The following PCOLCE2 variants were observed in gnomAD, a reference collection of about 807,000 sequenced individuals.
PCOLCE2 encodes procollagen C-proteinase enhancer 2.
PCOLCE2 carries 42 observed loss-of-function variants against 47.0 expected under a neutral mutation model. That is an observed-to-expected ratio of 0.89 (90% CI 0.70 to 1.16). PCOLCE2 has a LOEUF of 1.16. Ranked by LOEUF, PCOLCE2 falls within the 50% of genes most tolerant of loss-of-function variation. PCOLCE2 has a pLI of 0.00. For synonymous variants in PCOLCE2, 169 were observed against 191.7 expected (o/e 0.88, Z 0.98); for missense variants, 500 against 526.1 (o/e 0.95, Z 0.49).
At chr3:142,851,139 G>T (rs970019218) in intron 2 of PCOLCE2, among the ~76,000 whole-genome samples, 2 of 152,118 alleles carry the variant, frequency 1.3e-5, no homozygotes, top group African/African-American at 4.8e-5. Flanking sequence ...AGAAAACAAG[G>T]TCATCAGCAG....
At chr3:142,888,413 G>C (rs1054277106) in intron 1 of PCOLCE2, among the ~76,000 whole-genome samples, 6 of 152,226 alleles carry the variant, frequency 3.9e-5, no homozygotes, top group Admixed American at 3.3e-4. Flanking sequence ...TTGTTCCCTA[G>C]TTTACGTCTC....
intron 7 of PCOLCE2, among the ~76,000 whole-genome samples, chr3:142,821,351 C>T (rs59667056): frequency 0.031 from 4,681 of 152,232 alleles, 202 homozygotes; most frequent in East Asian, 0.094. Context: ...TTGATTGTCA[C>T]ATAGGGGATA....
rs773008597 is a variant in PCOLCE2 at position 142,887,766 on chromosome 3, G to T, written c.95C>A (p.Thr32Lys). The T allele has an allele frequency of 6.3e-7, 1 of 1,579,780 alleles. No homozygotes were observed. Among genetic ancestry groups the T allele is most frequent in the Non-Finnish European group, 8.7e-7 (1 of 1,148,942 alleles). Reference sequence around the variant, plus strand: ...CTCTCCAGTAAGAATGCCACCACATGTGAAAACAGGTCTGGGAACATAAAA... The same window carrying T: ...CTCTCCAGTAAGAATGCCACCACATTTGAAAACAGGTCTGGGAACATAAAA... ...RQQSPERPVF[T>K]CGGILTGESG... The change falls in exon 2 of 9, where the codon ACA (threonine) becomes AAA (lysine). Residue 32 changes from threonine (T) to lysine (K), a missense_variant. Thr to Lys is a moderately conservative substitution (Grantham distance 78). Coordinates refer to ENST00000295992, the MANE Select transcript of PCOLCE2 (RefSeq NM_013363.4).
In PCOLCE2 at chr3:142,838,851, T is replaced by C. The variant is rs754419337; in HGVS notation, c.629A>G (p.Tyr210Cys). 3.1e-6 allele frequency: 5 copies of C among 1,612,270 alleles called. No homozygotes were observed. The South Asian group carries it at 3.3e-5, about 11-fold the overall frequency. ...FDVERDNYCRYDYVAVFNGGE... is the reference protein window; with the variant it reads ...FDVERDNYCRCDYVAVFNGGE... ...GCCATTAAACACAGCCACATAATCATATCGGCAGTAGTTATCTCGCTCCAC... is the reference window on the plus strand; with the variant it reads ...GCCATTAAACACAGCCACATAATCACATCGGCAGTAGTTATCTCGCTCCAC... The change falls in exon 5 of 9, where the codon TAT (tyrosine) becomes TGT (cysteine). Residue 210 changes from tyrosine (Y) to cysteine (C), a missense_variant. Tyr to Cys is a radical substitution (Grantham distance 194). Transcript: ENST00000295992.
chr3:142,827,468 G>A (rs1937095889), intron 6 of PCOLCE2: 2 of 1,532,526 alleles, frequency 1.3e-6, no homozygotes, highest in African/African-American at 2.7e-5. Context: ...GATAGCAGTG[G>A]CATAGTTCCC....
intron 2 of PCOLCE2, among the ~76,000 whole-genome samples, chr3:142,862,171 T>C (rs1578044817): frequency 1.3e-5 from 2 of 152,028 alleles, no homozygotes; most frequent in East Asian, 3.9e-4. Flanking sequence ...CTGCTGGAGG[T>C]GGAGGAGGGA....
chr3:142,847,003 T>A (rs1360637750), intron 3 of PCOLCE2, among the ~76,000 whole-genome samples: 1 of 152,228 alleles, frequency 6.6e-6, no homozygotes, highest in Non-Finnish European at 1.5e-5. Context: ...GGACACACTT[T>A]TCCTGTTTCA....
chr3:142,822,008 C>G (rs1578027086), intron 7 of PCOLCE2, among the ~76,000 whole-genome samples: 1 of 152,088 alleles, frequency 6.6e-6, no homozygotes, highest in Non-Finnish European at 1.5e-5. Context: ...ACCTCCACCT[C>G]CCAGGTTCAA....
Position 142,837,997 on chromosome 3 carries a change from G to C in PCOLCE2, c.710+773C>G, listed in dbSNP as rs551949256. ...TCATTTGGGTTTGTCGTAAACTTCT[G>C]GGTCTCCTTGTCTGGATCCCCAGTA... On this transcript the variant is annotated intron_variant, in intron 5 of 8. Coordinates refer to ENST00000295992, the MANE Select transcript of PCOLCE2 (RefSeq NM_013363.4). Among the ~76,000 whole-genome samples the C allele has an allele frequency of 3.3e-5, 5 of 152,272 alleles. No individual in the cohort carries two copies. In the South Asian group the frequency reaches 1.0e-3, roughly 32 times the overall value.
chr3:142,821,611 C>T (rs771400379), intron 7 of PCOLCE2, among the ~76,000 whole-genome samples: 6 of 151,910 alleles, frequency 3.9e-5, no homozygotes, highest in African/African-American at 1.5e-4. Flanking sequence ...CTGTCTTCTA[C>T]GGTCTTTCAT....
chr3:142,827,438 T>A, intron 6 of PCOLCE2: 1 of 1,561,648 alleles, frequency 6.4e-7, no homozygotes, highest in Non-Finnish European at 8.8e-7. Flanking sequence ...ACGGGTCTTC[T>A]TGGTCTCAGG....
At position 142,874,265 on chromosome 3, in the gene PCOLCE2, G is replaced by T. The variant is rs150746677; in HGVS notation, c.192+13404C>A. On this transcript the variant is annotated intron_variant, in intron 2 of 8. Transcript: ENST00000295992. The stretch of plus-strand genomic sequence containing the variant: ...TAATTTTTGTATTTTTAGTAGAGAT[G>T]GGGTTTCACCATGTTAGCCAGGATG... Among the ~76,000 whole-genome samples the T allele has an allele frequency of 8.3e-4, 127 of 152,240 alleles. 1 individual carries two copies. The East Asian group carries it at 0.024, about 29-fold the overall frequency.
intron 2 of PCOLCE2, among the ~76,000 whole-genome samples, chr3:142,868,731 C>T (rs116340417): frequency 0.069 from 10,574 of 152,212 alleles, 403 homozygotes; most frequent in African/African-American, 0.1. Context: ...AACAAGGGAA[C>T]GAACGACACA....
At chr3:142,856,097 A>T (rs1933053738) in intron 2 of PCOLCE2, among the ~76,000 whole-genome samples, 1 of 152,294 alleles carries the variant, frequency 6.6e-6, no homozygotes, top group Admixed American at 6.5e-5. Flanking sequence ...GTGGCCACCA[A>T]GCAAGCCAAC....
intron 6 of PCOLCE2, chr3:142,827,091 T>C (rs1194384260): frequency 1.5e-6 from 2 of 1,368,814 alleles, no homozygotes; most frequent in Non-Finnish European, 2.1e-6. Flanking sequence ...TTGAGCCCCT[T>C]AGCACTAGTT....
intron 2 of PCOLCE2, among the ~76,000 whole-genome samples, chr3:142,872,585 G>A (rs934090148): frequency 2.6e-5 from 4 of 152,178 alleles, no homozygotes; most frequent in East Asian, 1.9e-4. Context: ...TGTATAAATC[G>A]AATAAAATAA....
At chr3:142,871,210 C>T (rs996277336) in intron 2 of PCOLCE2, among the ~76,000 whole-genome samples, 7 of 152,128 alleles carry the variant, frequency 4.6e-5, no homozygotes, top group Admixed American at 1.3e-4. Flanking sequence ...ATCCAGAAAA[C>T]GGCCCATTCC....
In PCOLCE2 at chr3:142,859,155, T is replaced by C. The variant is rs560559350; in HGVS notation, c.193-10683A>G. Among the ~76,000 whole-genome samples the C allele has an allele frequency of 3.9e-5, 6 of 152,018 alleles. No homozygotes were observed. The South Asian group carries it at 1.2e-3, about 32-fold the overall frequency. On this transcript the variant is annotated intron_variant, in intron 2 of 8. Coordinates refer to ENST00000295992, the MANE Select transcript of PCOLCE2 (RefSeq NM_013363.4). Reference sequence around the variant, plus strand: ...TCAGCTCATTGCAACCTCCTCCTCCTGGGTTCAAATGATTCTCCTGCCTCA... The same window carrying C: ...TCAGCTCATTGCAACCTCCTCCTCCCGGGTTCAAATGATTCTCCTGCCTCA...
At position 142,849,136 on chromosome 3, in the gene PCOLCE2, G is replaced by C. The variant is rs1017035311; in HGVS notation, c.193-664C>G. 2.1e-5 allele frequency among the ~76,000 whole-genome samples: 3 copies of C among 142,410 alleles called. No homozygotes were observed. The Admixed American group carries it at 2.1e-4, about 10-fold the overall frequency. The allele number at this position is 142,410 out of a possible 152,430, so 93.4% of individuals were successfully genotyped here. On this transcript the variant is annotated intron_variant, in intron 2 of 8. Coordinates refer to ENST00000295992, the MANE Select transcript of PCOLCE2 (RefSeq NM_013363.4). The stretch of plus-strand genomic sequence containing the variant: ...CCACTGCACTCCAGCCTGGGTGACA[G>C]AGCGAGACTCCACCTCAAAAAAAAA...
Sources: allele counts gnomAD v4.1 joint callset (sites outside exome capture counted in the v4.1 genomes callset), GRCh38; gene constraint gnomAD v4.1.1; transcripts MANE v1.5; gene names NCBI Gene and HGNC (gene_info 2026-07-23, HGNC 2026-07-21).